The following ARL15 variants were observed in gnomAD, a reference collection of about 807,000 sequenced individuals.
ARL15 encodes ARF like GTPase 15.
ARL15 carries 19 observed loss-of-function variants against 25.2 expected under a neutral mutation model. That is an observed-to-expected ratio of 0.75 (90% confidence interval 0.53 to 1.10). The LOEUF is 1.10. Ranked by LOEUF, ARL15 falls within the 50% of genes least tolerant of loss-of-function variation. The pLI is 0.00. For missense variants in ARL15, 220 were observed against 246.0 expected, an observed-to-expected ratio of 0.89 and a Z score of 0.71; for synonymous variants, 94 against 86.8, an observed-to-expected ratio of 1.08 and a Z score of -0.46.
At chr5:54,057,594 A>G (rs1181052639) in intron 4 of ARL15, among the ~76,000 whole-genome samples, 1 of 152,222 alleles carries the variant, frequency 6.6e-6, no homozygotes, top group Non-Finnish European at 1.5e-5. Flanking sequence ...TCATGCCTGT[A>G]ATGTCAGCAG....
At chr5:54,121,675 C>T (rs1396400212) in intron 3 of ARL15, among the ~76,000 whole-genome samples, 1 of 151,708 alleles carries the variant, frequency 6.6e-6, no homozygotes, top group Non-Finnish European at 1.5e-5. Flanking sequence ...GAGATTCAGC[C>T]CTGAAGGACA....
intron 4 of ARL15, among the ~76,000 whole-genome samples, chr5:53,908,651 G>A (rs886084249): frequency 2.0e-5 from 3 of 152,128 alleles, no homozygotes; most frequent in African/African-American, 4.8e-5. Context: ...TGTATCCTCC[G>A]TCAATAAGGG....
At position 54,180,013 on chromosome 5, in the gene ARL15, C is replaced by A. The variant is rs551710265; in HGVS notation, c.49-8085G>T. The stretch of plus-strand genomic sequence containing the variant: ...AGCCTGGGTGACACAGCGAGACTGT[C>A]TCGAGAAAAAAAAAAAAAAAAAAAG... On this transcript the variant is annotated intron_variant, in intron 1 of 4. Coordinates refer to ENST00000504924, the MANE Select transcript of ARL15 (RefSeq NM_019087.3). Among the ~76,000 whole-genome samples, 542 of 90,546 alleles carry A rather than the reference C, an allele frequency of 6.0e-3. 4 individuals carry two copies. Among genetic ancestry groups the A allele is most frequent in the African/African-American group, 0.021 (499 of 23,974 alleles). 59.4% of individuals were successfully genotyped at this position (90,546 alleles called of 152,430 possible).
intron 4 of ARL15, among the ~76,000 whole-genome samples, chr5:53,916,951 A>G (rs1296217444): frequency 6.6e-6 from 1 of 152,234 alleles, no homozygotes; most frequent in Non-Finnish European, 1.5e-5. Flanking sequence ...TCATATATAT[A>G]TGAAGGAAAT....
chr5:54,291,853 C>A (rs2112691172), intron 1 of ARL15, among the ~76,000 whole-genome samples: 1 of 152,290 alleles, frequency 6.6e-6, no homozygotes. Context: ...CAACTCCCAG[C>A]CACAACTGCC....
At chr5:53,938,552 T>G (rs935682334) in intron 4 of ARL15, among the ~76,000 whole-genome samples, 1 of 152,182 alleles carries the variant, frequency 6.6e-6, no homozygotes, top group Non-Finnish European at 1.5e-5. Context: ...TCTGGCCGGG[T>G]GCTGTGGCTC....
intron 4 of ARL15, among the ~76,000 whole-genome samples, chr5:53,892,742 G>A (rs1036469422): frequency 1.3e-5 from 2 of 151,904 alleles, no homozygotes; most frequent in African/African-American, 4.8e-5. Context: ...AGCTGGGACT[G>A]TAGGAATGTG....
intron 4 of ARL15, among the ~76,000 whole-genome samples, chr5:53,938,465 A>G (rs1746426101): frequency 6.6e-6 from 1 of 152,244 alleles, no homozygotes; most frequent in Admixed American, 6.5e-5. Flanking sequence ...TAACCTTTTC[A>G]GTATTTTGCA....
chr5:53,950,637 C>T (rs1746913798), intron 4 of ARL15, among the ~76,000 whole-genome samples: 1 of 152,078 alleles, frequency 6.6e-6, no homozygotes, highest in South Asian at 2.1e-4. Flanking sequence ...CTTTTATACA[C>T]ACAATAAAGA....
Position 53,928,360 on chromosome 5 carries a change from A to T in ARL15, c.463-41647T>A, listed in dbSNP as rs141099417. 4.5e-3 allele frequency among the ~76,000 whole-genome samples: 690 copies of T among 152,354 alleles called. 6 individuals carry two copies. The highest frequency in any genetic ancestry group is 0.025 in the East Asian group (128 of 5,188). On this transcript the variant is annotated intron_variant, in intron 4 of 4. Coordinates refer to ENST00000504924, the MANE Select transcript of ARL15 (RefSeq NM_019087.3). ...GAAAATCAGTGTCACCGTCCTAGCCATGATCTTTCTAAAAGGATCCTTCAG... is the reference window on the plus strand; with the variant it reads ...GAAAATCAGTGTCACCGTCCTAGCCTTGATCTTTCTAAAAGGATCCTTCAG...
chr5:53,901,914 T>C (rs962681044), intron 4 of ARL15, among the ~76,000 whole-genome samples: 1 of 152,234 alleles, frequency 6.6e-6, no homozygotes, highest in African/African-American at 2.4e-5. Flanking sequence ...TTTATGCTTT[T>C]GTGTTACAGA....
At chr5:53,909,567 G>A (rs563001923) in intron 4 of ARL15, among the ~76,000 whole-genome samples, 4 of 152,134 alleles carry the variant, frequency 2.6e-5, no homozygotes, top group East Asian at 1.9e-4. Flanking sequence ...TTAGCTGGGC[G>A]TGGTGGCGCA....
chr5:54,113,804 C>CT (rs1752812373), intron 3 of ARL15, among the ~76,000 whole-genome samples: 1 of 152,306 alleles, frequency 6.6e-6, no homozygotes, highest in East Asian at 1.9e-4. Flanking sequence ...GCTGCATGGC[C>CT]TAGACATCCA....
At chr5:54,224,536 C>T (rs114664556) in intron 1 of ARL15, among the ~76,000 whole-genome samples, 2,015 of 152,106 alleles carry the variant, frequency 0.013, 41 homozygotes, top group African/African-American at 0.047. Flanking sequence ...GAAAATTATA[C>T]GGAAAAATAT....
At chr5:54,168,405 T>C (rs1754636312) in intron 2 of ARL15, among the ~76,000 whole-genome samples, 1 of 152,050 alleles carries the variant, frequency 6.6e-6, no homozygotes, top group African/African-American at 2.4e-5. Flanking sequence ...CCTACTTTTT[T>C]TTTTTTTAAC....
At chr5:54,001,494 T>C (rs1217541748) in intron 4 of ARL15, among the ~76,000 whole-genome samples, 1 of 152,192 alleles carries the variant, frequency 6.6e-6, no homozygotes, top group Non-Finnish European at 1.5e-5. Context: ...TCAATCTCCT[T>C]ATTCTATGGA....
At chr5:53,948,890 C>T (rs1237162624) in intron 4 of ARL15, among the ~76,000 whole-genome samples, 1 of 152,092 alleles carries the variant, frequency 6.6e-6, no homozygotes. Flanking sequence ...ATGTACATAG[C>T]CCGGAGCTGA....
At chr5:53,942,474 G>A (rs1002928893) in intron 4 of ARL15, among the ~76,000 whole-genome samples, 2 of 152,168 alleles carry the variant, frequency 1.3e-5, no homozygotes, top group African/African-American at 2.4e-5. Context: ...AGGACCAGGC[G>A]CGGTGGCTCA....
At chr5:54,283,773 T>C (rs1758118671) in intron 1 of ARL15, among the ~76,000 whole-genome samples, 1 of 152,238 alleles carries the variant, frequency 6.6e-6, no homozygotes, top group Non-Finnish European at 1.5e-5. Context: ...TCTTATTTTA[T>C]GCCACCTGGA....
Sources: allele counts gnomAD v4.1 joint callset (sites outside exome capture counted in the v4.1 genomes callset), GRCh38; gene constraint gnomAD v4.1.1; transcripts MANE v1.5; gene names NCBI Gene and HGNC (gene_info 2026-07-23, HGNC 2026-07-21).